The following WNT3A variants were observed in gnomAD, a reference collection of about 807,000 sequenced individuals.
WNT3A encodes Wnt family member 3A.
In WNT3A, 17 loss-of-function variants were observed where a neutral mutation model predicts 37.0. The ratio of observed to expected loss-of-function variants is 0.46; its 90% CI spans 0.31 to 0.69. The LOEUF (loss-of-function observed/expected upper bound fraction) is 0.69, where lower values mean the gene tolerates loss of function less well. Ranked by LOEUF, WNT3A falls within the 30% of genes least tolerant of loss-of-function variation. WNT3A has a pLI of 0.05. For synonymous variants in WNT3A, 187 were observed against 211.0 expected, an observed-to-expected ratio of 0.89 and a Z score of 0.99; for missense variants, 411 against 510.2, an observed-to-expected ratio of 0.81 and a Z score of 1.87.
intron 1 of WNT3A, among the ~76,000 whole-genome samples, chr1:228,021,417 G>A (rs1309987517): frequency 6.6e-6 from 1 of 152,224 alleles, no homozygotes; most frequent in African/African-American, 2.4e-5. Flanking sequence ...CTCTCCCGCG[G>A]ATGAGTGTTG....
chr1:228,014,982 C>T (rs78741991), intron 1 of WNT3A, among the ~76,000 whole-genome samples: 12,211 of 152,270 alleles, frequency 0.08, 577 homozygotes, highest in South Asian at 0.12. Context: ...ATATGACAGC[C>T]TCCCCTTCAA....
At chr1:228,023,286 G>C (rs931484815) in intron 2 of WNT3A, among the ~76,000 whole-genome samples, 20 of 151,470 alleles carry the variant, frequency 1.3e-4, no homozygotes, top group African/African-American at 4.9e-4. Context: ...GAGAGACAGA[G>C]AGAAAGACAG....
chr1:228,029,611 C>A (rs1276205982), intron 2 of WNT3A, among the ~76,000 whole-genome samples: 1 of 152,168 alleles, frequency 6.6e-6, no homozygotes, highest in African/African-American at 2.4e-5. Context: ...AATCTGCTTC[C>A]CCGCTGTCTC....
intron 3 of WNT3A, among the ~76,000 whole-genome samples, chr1:228,054,564 C>T (rs201660472): frequency 6.9e-6 from 1 of 144,556 alleles, no homozygotes; most frequent in African/African-American, 2.6e-5. Flanking sequence ...GGAGGCGGAG[C>T]TTGCAGTGAG....
rs1157700166 is a variant in WNT3A, at chr1:228,039,052, G to T, written c.314-11604G>T. On this transcript the variant is annotated intron_variant, in intron 2 of 3. Coordinates refer to ENST00000284523, the MANE Select transcript of WNT3A (RefSeq NM_033131.4). This position sits in a 1 kb window ranked among gnomAD's most constrained non-coding sequence, Gnocchi z 4.1. ...GCACCCGGCTGGACTGGCCACCATG[G>T]AGTCCTGCCCTCGGCCAGTGCATCC... Among the ~76,000 whole-genome samples, 1 of 152,178 alleles carries T rather than the reference G, an allele frequency of 6.6e-6. No homozygotes were observed. The highest frequency in any genetic ancestry group is 1.5e-5 in the Non-Finnish European group (1 of 68,016).
intron 2 of WNT3A, among the ~76,000 whole-genome samples, chr1:228,040,025 C>A (rs1378096452): frequency 1.3e-5 from 2 of 152,202 alleles, no homozygotes; most frequent in African/African-American, 4.8e-5. Flanking sequence ...TGTATCAGCC[C>A]CCACAGCCTT....
chr1:228,017,544 C>A (rs1401044595), intron 1 of WNT3A, among the ~76,000 whole-genome samples: 1 of 152,088 alleles, frequency 6.6e-6, no homozygotes, highest in Non-Finnish European at 1.5e-5. Flanking sequence ...CAGACACCAT[C>A]TCTACAAAAA....
intron 2 of WNT3A, among the ~76,000 whole-genome samples, chr1:228,048,114 C>T (rs991588271): frequency 3.3e-5 from 5 of 152,186 alleles, no homozygotes; most frequent in Non-Finnish European, 7.4e-5. Context: ...CAAGGAGGAG[C>T]AGGGGACACT....
chr1:228,045,547 G>A (rs1339337234), intron 2 of WNT3A, among the ~76,000 whole-genome samples: 1 of 152,168 alleles, frequency 6.6e-6, no homozygotes, highest in Non-Finnish European at 1.5e-5. Flanking sequence ...AAGAACAGGC[G>A]CTCAGGCCTG....
intron 3 of WNT3A, 149 bp from the exon 4 acceptor site, chr1:228,058,837 G>T: frequency 1.3e-6 from 1 of 764,642 alleles, no homozygotes; most frequent in Non-Finnish European, 2.1e-6. Flanking sequence ...CATAGGAAGG[G>T]GGTGGCCCTG....
chr1:228,048,737 G>A (rs1474586952), intron 2 of WNT3A, among the ~76,000 whole-genome samples: 1 of 152,030 alleles, frequency 6.6e-6, no homozygotes, highest in Non-Finnish European at 1.5e-5. Flanking sequence ...TTTTATCAAT[G>A]GAAGCAGGGC....
Position 228,059,032 on chromosome 1 carries a change from C to T in WNT3A, c.626C>T (p.Ser209Leu), listed in dbSNP as rs1638754582. 6.2e-7 allele frequency: 1 copy of T among 1,613,216 alleles called. No individual in the cohort carries two copies. The highest frequency in any genetic ancestry group is 8.5e-7 in the Non-Finnish European group (1 of 1,179,934). Residue 209 changes from serine to leucine, a missense_variant, in exon 4 of 4, where the codon TCG becomes TTG. Physicochemically the swap from Ser to Leu is moderately radical, Grantham distance 145. Transcript: ENST00000284523. ...MHLKCKCHGL[S>L]GSCEVKTCWW... ...CTCAAGTGCAAGTGCCACGGGCTGT[C>T]GGGCAGCTGCGAGGTGAAGACATGC...
At chr1:228,023,803 C>T (rs368498749) in intron 2 of WNT3A, among the ~76,000 whole-genome samples, 1 of 152,216 alleles carries the variant, frequency 6.6e-6, no homozygotes, top group Non-Finnish European at 1.5e-5. Context: ...GAAATCTGTG[C>T]GCATTAAGCA....
At chr1:228,030,255 G>C (rs1043740295) in intron 2 of WNT3A, among the ~76,000 whole-genome samples, 1 of 151,832 alleles carries the variant, frequency 6.6e-6, no homozygotes, top group Non-Finnish European at 1.5e-5. Context: ...AATTAGCCAA[G>C]GGGGGTGGTG....
intron 3 of WNT3A, among the ~76,000 whole-genome samples, chr1:228,051,283 G>A (rs1366149140): frequency 6.6e-6 from 1 of 152,130 alleles, no homozygotes; most frequent in Non-Finnish European, 1.5e-5. Context: ...CCGATGTCAA[G>A]GACAGCTGGC....
chr1:228,055,442 A>G (rs571604889), intron 3 of WNT3A, among the ~76,000 whole-genome samples: 2 of 151,750 alleles, frequency 1.3e-5, no homozygotes, highest in South Asian at 4.2e-4. Flanking sequence ...GTAGATATAG[A>G]TGATAGATAT....
At chr1:228,047,502 C>T (rs1451186709) in intron 2 of WNT3A, among the ~76,000 whole-genome samples, 1 of 152,070 alleles carries the variant, frequency 6.6e-6, no homozygotes, top group Admixed American at 6.5e-5. Flanking sequence ...CCTTTCTGTC[C>T]CAGCTGGCCT....
chr1:228,023,031 T>C, intron 2 of WNT3A, 123 bp downstream of exon 2: 1 of 1,431,926 alleles, frequency 7.0e-7, no homozygotes, highest in Non-Finnish European at 9.3e-7. Context: ...GACGCTGGGG[T>C]CCTTCCCGCT....
chr1:228,033,627 G>T (rs1316184343), intron 2 of WNT3A, among the ~76,000 whole-genome samples: 1 of 152,120 alleles, frequency 6.6e-6, no homozygotes, highest in Non-Finnish European at 1.5e-5. Flanking sequence ...TCTTTTCAAG[G>T]TTATTTTGGC....
Sources: gnomAD v4.1 joint callset for allele counts (sites outside exome capture counted in the v4.1 genomes callset) on GRCh38, gnomAD v4.1.1 for gene constraint, Gnocchi (gnomAD v3.1) non-coding constraint, MANE v1.5 for transcripts, NCBI Gene and HGNC (gene_info 2026-07-23, HGNC 2026-07-21) for gene names.